Variants in CNTN1 observed in about 807,000 individuals in gnomAD.
CNTN1 encodes the protein contactin-1.
Under a neutral mutation model 126.4 loss-of-function variants are expected in CNTN1, and 38 were observed. The observed-to-expected ratio is 0.30, with a 90% CI of 0.23 to 0.39. CNTN1 has a LOEUF of 0.39. Among genes scored for constraint, CNTN1 ranks in the 10% least tolerant of loss-of-function variants. The pLI is 1.00. For synonymous variants in CNTN1, 413 were observed against 422.6 expected (o/e 0.98, Z 0.28); for missense variants, 1,009 against 1,248.4 (o/e 0.81, Z 2.89).
At chr12:40,895,418 G>A (rs926872851) in intron 1 of CNTN1, among the ~76,000 whole-genome samples, 5 of 152,154 alleles carry the variant, frequency 3.3e-5, no homozygotes, top group African/African-American at 1.2e-4. Flanking sequence ...GAAGTCCAAG[G>A]TTGAGGGGCC....
chr12:40,988,557 G>C (rs1339853923), intron 16 of CNTN1, among the ~76,000 whole-genome samples: 2 of 152,124 alleles, frequency 1.3e-5, no homozygotes, highest in Admixed American at 1.3e-4. Context: ...AAAACACAAT[G>C]AATTATTGGT....
intron 17 of CNTN1, among the ~76,000 whole-genome samples, chr12:41,009,769 G>C (rs1019884478): frequency 3.9e-5 from 6 of 152,270 alleles, no homozygotes; most frequent in South Asian, 2.1e-4. Flanking sequence ...GTTAGGAAAA[G>C]AAGTGGGATC....
At chr12:40,929,297 T>C (rs576070214) in intron 6 of CNTN1, among the ~76,000 whole-genome samples, 9 of 151,556 alleles carry the variant, frequency 5.9e-5, no homozygotes, top group African/African-American at 2.2e-4. Context: ...GTGACCACAA[T>C]AGGTTATGTA....
Position 40,863,835 on chromosome 12 carries a change from C to T in CNTN1, c.-76-44522C>T, listed in dbSNP as rs1592174052. ...AAATTGTCTTCCACAAAACTGGGAC[C>T]TGGTGCCAAAGAGATTGGGGATTGC... On this transcript the variant is annotated intron_variant, in intron 1 of 23. Coordinates refer to ENST00000551295, the MANE Select transcript of CNTN1 (RefSeq NM_001843.4). Among the ~76,000 whole-genome samples the T allele has an allele frequency of 2.6e-5, 4 of 151,940 alleles. 1 individual carries two copies. Among genetic ancestry groups the T allele is most frequent in the Admixed American group, 2.6e-4 (4 of 15,228 alleles).
intron 1 of CNTN1, among the ~76,000 whole-genome samples, chr12:40,867,362 C>T (rs1943331924): frequency 6.6e-6 from 1 of 152,118 alleles, no homozygotes; most frequent in African/African-American, 2.4e-5. Context: ...ACACAATGAT[C>T]ACTAATCTTT....
chr12:40,865,623 C>A (rs1943269347), intron 1 of CNTN1, among the ~76,000 whole-genome samples: 1 of 151,982 alleles, frequency 6.6e-6, no homozygotes, highest in African/African-American at 2.4e-5. Context: ...TTTTCAAAAT[C>A]TATTGACCAT....
At chr12:40,892,955 T>TTGGGGG (rs1944291946) in intron 1 of CNTN1, among the ~76,000 whole-genome samples, 1 of 134,868 alleles carries the variant, frequency 7.4e-6, no homozygotes, top group African/African-American at 3.2e-5. Context: ...AAATGAAAAC[T>TTGGGGG]GGGGGGGGTG....
At chr12:40,900,926 T>C (rs1402482971) in intron 1 of CNTN1, among the ~76,000 whole-genome samples, 1 of 152,204 alleles carries the variant, frequency 6.6e-6, no homozygotes, top group Non-Finnish European at 1.5e-5. Flanking sequence ...ACAACCGCTC[T>C]GTTGTCGATG....
intron 1 of CNTN1, among the ~76,000 whole-genome samples, chr12:40,850,635 T>C (rs1298590752): frequency 1.3e-5 from 2 of 152,164 alleles, no homozygotes; most frequent in Admixed American, 1.3e-4. Flanking sequence ...TCAGCGATGA[T>C]ATTAAAATAT....
At chr12:40,788,133 C>T (rs904294803) in intron 1 of CNTN1, among the ~76,000 whole-genome samples, 2 of 152,174 alleles carry the variant, frequency 1.3e-5, no homozygotes, top group African/African-American at 4.8e-5. Flanking sequence ...CTCCTCCCAT[C>T]GTCCAAGATT....
chr12:40,924,796 G>A (rs2136883520), intron 6 of CNTN1, 144 bp downstream of exon 6: 1 of 615,046 alleles, frequency 1.6e-6, no homozygotes, highest in Non-Finnish European at 3.0e-6. Context: ...CTTGTAATGT[G>A]TCACTAATTG....
Position 40,692,480 on chromosome 12 carries a change from C to A in CNTN1, c.-189C>A, listed in dbSNP as rs11177830. On this transcript the variant is annotated 5_prime_UTR_variant, in exon 1 of 24. Transcript: ENST00000551295. ...GTAGCCAGGGTGGGCTCCGCCGAGGCGAGGAGGGGCGCCGGTGGGGAGATG... is the reference window on the plus strand; with the variant it reads ...GTAGCCAGGGTGGGCTCCGCCGAGGAGAGGAGGGGCGCCGGTGGGGAGATG... The A allele has an allele frequency of 0.063, 9,611 of 152,564 alleles. 348 individuals carry two copies. Among genetic ancestry groups the A allele is most frequent in the Non-Finnish European group, 0.08 (5,441 of 68,322 alleles). 9.5% of individuals were successfully genotyped at this position (152,564 alleles called of 1,614,324 possible). A position where few individuals can be genotyped will look rare whatever the true frequency, so the allele number is the denominator to read the frequency against.
chr12:40,871,684 A>G (rs1287932352), intron 1 of CNTN1, among the ~76,000 whole-genome samples: 2 of 152,198 alleles, frequency 1.3e-5, no homozygotes, highest in Non-Finnish European at 2.9e-5. Context: ...TATATTTTGC[A>G]TTTTACATTT....
chr12:40,909,457 A>G (rs1285759163), intron 2 of CNTN1, among the ~76,000 whole-genome samples: 1 of 151,922 alleles, frequency 6.6e-6, no homozygotes, highest in African/African-American at 2.4e-5. Flanking sequence ...CCCAGTAGAT[A>G]CTTGTTGAGT....
At chr12:40,995,603 T>A (rs1429394416) in intron 17 of CNTN1, among the ~76,000 whole-genome samples, 1 of 152,154 alleles carries the variant, frequency 6.6e-6, no homozygotes, top group Non-Finnish European at 1.5e-5. Flanking sequence ...GGTATTTTGT[T>A]AAGGACTTAG....
At chr12:40,771,627 T>C (rs1939338827) in intron 1 of CNTN1, among the ~76,000 whole-genome samples, 1 of 152,062 alleles carries the variant, frequency 6.6e-6, no homozygotes, top group South Asian at 2.1e-4. Flanking sequence ...TATTGCTGCT[T>C]TCATGAGCAA....
At chr12:40,950,394 T>C (rs931101337) in intron 14 of CNTN1, among the ~76,000 whole-genome samples, 1 of 152,102 alleles carries the variant, frequency 6.6e-6, no homozygotes, top group African/African-American at 2.4e-5. Context: ...AGAAACTAGA[T>C]TTTTCAAAAT....
At chr12:40,773,466 A>T (rs1033207060) in intron 1 of CNTN1, among the ~76,000 whole-genome samples, 2 of 151,394 alleles carry the variant, frequency 1.3e-5, no homozygotes, top group Non-Finnish European at 3.0e-5. Context: ...AATGATTTTA[A>T]TATACATAGT....
chr12:40,995,656 C>T (rs1948195285), intron 17 of CNTN1, among the ~76,000 whole-genome samples: 3 of 152,078 alleles, frequency 2.0e-5, no homozygotes, highest in Admixed American at 2.0e-4. Context: ...CCTTACAAGC[C>T]ATTAGAGCCA....
Sources: gnomAD v4.1 joint callset for allele counts (sites outside exome capture counted in the v4.1 genomes callset) on GRCh38, gnomAD v4.1.1 for gene constraint, MANE v1.5 for transcripts, NCBI Gene and HGNC (gene_info 2026-07-23, HGNC 2026-07-21) for gene names.